TMEM116: variants seen among roughly 807,000 people sequenced by gnomAD.
The protein encoded by TMEM116 is transmembrane protein 116.
Under a neutral mutation model 44.3 loss-of-function variants are expected in TMEM116, and 38 were observed. The ratio of observed to expected loss-of-function variants is 0.86; its 90% CI spans 0.66 to 1.12. TMEM116 has a LOEUF of 1.12. Ranked by LOEUF, TMEM116 falls within the 50% of genes most tolerant of loss-of-function variation. The probability of loss-of-function intolerance (pLI) is 0.00; values close to 1 mark genes in which losing one functional copy is unlikely to be tolerated. For synonymous variants in TMEM116, 132 were observed against 144.8 expected (o/e 0.91, Z 0.64); for missense variants, 354 against 401.7 (o/e 0.88, Z 1.01).
At chr12:111,948,713 A>AT (rs1402345012) in intron 4 of TMEM116, among the ~76,000 whole-genome samples, 2 of 152,206 alleles carry the variant, frequency 1.3e-5, no homozygotes, top group Admixed American at 6.5e-5. Context: ...GCATATATTT[A>AT]TTTTAATTTT....
chr12:111,957,508 C>A (rs1272486187), intron 4 of TMEM116, among the ~76,000 whole-genome samples: 3 of 151,146 alleles, frequency 2.0e-5, no homozygotes, highest in African/African-American at 7.3e-5. Context: ...GCAGCGCCCC[C>A]CTGGCCAGCC....
chr12:112,010,350 C>G (rs184598617), intron 1 of TMEM116: 2 of 152,328 alleles, frequency 1.3e-5, no homozygotes, highest in Admixed American at 1.3e-4. Flanking sequence ...CCAGAAACCT[C>G]TGTGGCCACA....
At chr12:111,956,463 CAGA>C (rs1480387909) in intron 4 of TMEM116, among the ~76,000 whole-genome samples, 1 of 152,146 alleles carries the variant, frequency 6.6e-6, no homozygotes, top group Non-Finnish European at 1.5e-5. Flanking sequence ...AACCAACAAA[CAGA>C]AGAATAGCAT....
intron 4 of TMEM116, among the ~76,000 whole-genome samples, chr12:111,985,482 C>T (rs73426401): frequency 0.2 from 29,796 of 151,964 alleles, 3,140 homozygotes; most frequent in Middle Eastern, 0.27. Context: ...TAACCAAGGA[C>T]GGAAAAGACT....
chr12:111,964,169 G>C (rs930755381), intron 4 of TMEM116, among the ~76,000 whole-genome samples: 13 of 150,864 alleles, frequency 8.6e-5, no homozygotes, highest in Non-Finnish European at 1.9e-4. Context: ...GGCTGGGTGC[G>C]GTGGCTCATG....
chr12:111,966,079 G>A (rs905498304), intron 4 of TMEM116, among the ~76,000 whole-genome samples: 1 of 152,236 alleles, frequency 6.6e-6, no homozygotes, highest in African/African-American at 2.4e-5. Flanking sequence ...GGCTGAGGCG[G>A]CTGATCACCT....
At chr12:111,991,949 G>T in intron 3 of TMEM116, 60 bp from the exon 4 acceptor site, 5 of 1,471,874 alleles carry the variant, frequency 3.4e-6, no homozygotes, top group Non-Finnish European at 3.6e-6. Context: ...TGTTAACAAT[G>T]TAACAGTTCT....
chr12:112,004,334 G>C (rs2077456552), intron 2 of TMEM116, among the ~76,000 whole-genome samples: 1 of 151,612 alleles, frequency 6.6e-6, no homozygotes, highest in African/African-American at 2.4e-5. Context: ...ACCCAGGCTA[G>C]AGTACAGTCG....
At chr12:111,991,925 T>C in intron 3 of TMEM116, 36 bp from the exon 4 acceptor site, 6 of 1,524,836 alleles carry the variant, frequency 3.9e-6, no homozygotes, top group Middle Eastern at 3.4e-4. Context: ...TCATATGTGA[T>C]GTAGCTAGGA....
Position 111,931,446 on chromosome 12 carries a change from C to T in TMEM116, c.*175G>A. On this transcript the variant is annotated 3_prime_UTR_variant, in exon 11 of 11. Transcript: ENST00000552374. ...GGATCACTAGTGAATCTGGGAATAA[C>T]TGGAGAGATACTCCCAATTCATCTA... 2 of 631,358 alleles carry T rather than the reference C, an allele frequency of 3.2e-6. No individual in the cohort carries two copies. The highest frequency in any genetic ancestry group is 5.5e-6 in the Non-Finnish European group (2 of 365,292). 39.1% of individuals were successfully genotyped at this position (631,358 alleles called of 1,614,324 possible). A position where few individuals can be genotyped will look rare whatever the true frequency, so the allele number is the denominator to read the frequency against.
intron 4 of TMEM116, among the ~76,000 whole-genome samples, chr12:111,987,881 A>C (rs2076314236): frequency 1.3e-5 from 2 of 152,226 alleles, no homozygotes; most frequent in Admixed American, 1.3e-4. Flanking sequence ...CAATGTTAAT[A>C]GTAGCGTTAT....
intron 1 of TMEM116, chr12:112,005,812 A>T: frequency 1.1e-6 from 1 of 880,392 alleles, no homozygotes; most frequent in Non-Finnish European, 1.4e-6. Flanking sequence ...ATAGGTAGAA[A>T]GAGGAAAGAT....
chr12:111,936,595 G>C, intron 8 of TMEM116, 97 bp downstream of exon 8: 2 of 1,383,260 alleles, frequency 1.4e-6, no homozygotes, highest in Non-Finnish European at 2.0e-6. Context: ...ACCACAAGAA[G>C]TGCCTCTCTG....
At chr12:111,938,452 CAAAG>C (rs1332862724) in intron 5 of TMEM116, among the ~76,000 whole-genome samples, 1 of 152,130 alleles carries the variant, frequency 6.6e-6, no homozygotes, top group Non-Finnish European at 1.5e-5. Flanking sequence ...AACAAAGCCA[CAAAG>C]AAAGCCTGCA....
chr12:111,952,941 A>T (rs980838667), intron 4 of TMEM116, among the ~76,000 whole-genome samples: 1 of 152,178 alleles, frequency 6.6e-6, no homozygotes, highest in Admixed American at 6.5e-5. Flanking sequence ...CCCCATGGTC[A>T]TTTGATTTAT....
At position 111,955,104 on chromosome 12, in the gene TMEM116, G is replaced by A. The variant is rs539924007; in HGVS notation, c.211-11735C>T. Among the ~76,000 whole-genome samples the A allele has an allele frequency of 2.7e-4, 41 of 152,282 alleles. No individual in the cohort carries two copies. In the South Asian group the frequency reaches 4.8e-3, roughly 18 times the overall value. On this transcript the variant is annotated intron_variant, in intron 4 of 10. Coordinates refer to ENST00000552374, the MANE Select transcript of TMEM116 (RefSeq NM_001193531.2). Reference sequence around the variant, plus strand: ...AGATAAGTTAGTTTACATAGGCCTCGGAACCTGGCTTTTAATCATCTGCCC... The same window carrying A: ...AGATAAGTTAGTTTACATAGGCCTCAGAACCTGGCTTTTAATCATCTGCCC...
intron 4 of TMEM116, among the ~76,000 whole-genome samples, chr12:111,962,954 T>A (rs2074700554): frequency 6.6e-6 from 1 of 152,034 alleles, no homozygotes; most frequent in Non-Finnish European, 1.5e-5. Flanking sequence ...ACAAAGAACT[T>A]AAACAAATTT....
intron 4 of TMEM116, among the ~76,000 whole-genome samples, chr12:111,960,142 CA>C (rs2074468528): frequency 6.6e-6 from 1 of 152,102 alleles, no homozygotes; most frequent in African/African-American, 2.4e-5. Flanking sequence ...GAAATCGTAA[CA>C]AATAGTCTCT....
chr12:112,012,703 G>A, intron 1 of TMEM116: 1 of 152,474 alleles, frequency 6.6e-6, no homozygotes, highest in Non-Finnish European at 1.5e-5. Flanking sequence ...CCGTAGCCCC[G>A]CAGGCAAAGC....
Sources: gnomAD v4.1 joint callset for allele counts (sites outside exome capture counted in the v4.1 genomes callset) on GRCh38, gnomAD v4.1.1 for gene constraint, MANE v1.5 for transcripts, NCBI Gene and HGNC (gene_info 2026-07-23, HGNC 2026-07-21) for gene names.